The following AGBL1 variants were observed in gnomAD, a reference collection of about 807,000 sequenced individuals.
AGBL1 encodes cytosolic carboxypeptidase 4.
Under a neutral mutation model 118.9 loss-of-function variants are expected in AGBL1, and 130 were observed. The ratio of observed to expected loss-of-function variants is 1.09; its 90% CI spans 0.95 to 1.26. The LOEUF (loss-of-function observed/expected upper bound fraction) is 1.26, where lower values mean the gene tolerates loss of function less well. Among genes scored for constraint, AGBL1 ranks in the 50% most tolerant of loss-of-function variants. The pLI is 0.00. For synonymous variants in AGBL1, 555 were observed against 478.9 expected, an observed-to-expected ratio of 1.16 and a Z score of -2.08; for missense variants, 1,584 against 1,298.1, an observed-to-expected ratio of 1.22 and a Z score of -3.38.
At chr15:86,857,263 A>T (rs1023764123) in intron 22 of AGBL1, among the ~76,000 whole-genome samples, 1 of 152,196 alleles carries the variant, frequency 6.6e-6, no homozygotes, top group African/African-American at 2.4e-5. Flanking sequence ...CAGTGAACTT[A>T]AAAACTGCAA....
intron 21 of AGBL1, among the ~76,000 whole-genome samples, chr15:86,623,130 C>T (rs1332492345): frequency 1.3e-5 from 2 of 152,208 alleles, no homozygotes; most frequent in African/African-American, 4.8e-5. Context: ...CCTCCACTTA[C>T]CTCCTGCCTA....
intron 1 of AGBL1, among the ~76,000 whole-genome samples, chr15:86,133,016 A>C (rs2076839448): frequency 6.6e-6 from 1 of 152,206 alleles, no homozygotes; most frequent in Non-Finnish European, 1.5e-5. Context: ...GCAGTAAGCT[A>C]AACATTCCTA....
intron 21 of AGBL1, among the ~76,000 whole-genome samples, chr15:86,616,339 C>CAAAAAAAAAAAAAAAAAAAAAAAAA (rs199936794): frequency 4.1e-5 from 2 of 49,254 alleles, no homozygotes; most frequent in African/African-American, 7.1e-5. Flanking sequence ...TCCTCCACTT[C>CAAAAAAAAAAAAAAAAAAAAAAAAA]AAAAAAAAAA....
intron 1 of AGBL1, among the ~76,000 whole-genome samples, chr15:86,132,733 C>T (rs1236695565): frequency 6.6e-6 from 1 of 152,180 alleles, no homozygotes; most frequent in African/African-American, 2.4e-5. Flanking sequence ...AGACCACGAA[C>T]GTGCCGGGCA....
intron 22 of AGBL1, among the ~76,000 whole-genome samples, chr15:86,770,060 T>C (rs572175953): frequency 6.6e-6 from 1 of 152,168 alleles, no homozygotes; most frequent in African/African-American, 2.4e-5. Flanking sequence ...ATGAAAATAT[T>C]CTGCCCAGGT....
At chr15:86,815,627 C>G (rs1248144359) in intron 22 of AGBL1, among the ~76,000 whole-genome samples, 2 of 151,954 alleles carry the variant, frequency 1.3e-5, no homozygotes, top group African/African-American at 4.8e-5. Context: ...AGACAAGCAC[C>G]CAGGAGATAA....
chr15:86,169,428 G>A (rs1323704545), intron 5 of AGBL1, among the ~76,000 whole-genome samples: 2 of 152,152 alleles, frequency 1.3e-5, no homozygotes. Context: ...TGACTCATGG[G>A]ACATTGGATA....
chr15:86,218,953 A>G (rs1056059931), intron 5 of AGBL1, among the ~76,000 whole-genome samples: 2 of 152,234 alleles, frequency 1.3e-5, no homozygotes, highest in African/African-American at 4.8e-5. Context: ...TTCCTGCCCC[A>G]TATAAACTGT....
chr15:86,689,964 C>G (rs2086134041), intron 22 of AGBL1, among the ~76,000 whole-genome samples: 1 of 152,106 alleles, frequency 6.6e-6, no homozygotes, highest in Admixed American at 6.6e-5. Flanking sequence ...CCTGCAAAAG[C>G]TCTTATTGCA....
At chr15:86,210,512 G>C (rs113001543) in intron 5 of AGBL1, among the ~76,000 whole-genome samples, 3 of 151,838 alleles carry the variant, frequency 2.0e-5, no homozygotes, top group Non-Finnish European at 4.4e-5. Context: ...TTTGTTCGTC[G>C]CTTTTTACTC....
At position 86,332,443 on chromosome 15, in the gene AGBL1, G is replaced by A. The variant is rs942310585; in HGVS notation, c.2374+37035G>A. ...GGGCGGATCACGAGGTCAGGAGATC[G>A]AGACCATCCTGGCTAACATGGTGAA... On this transcript the variant is annotated intron_variant, in intron 17 of 22. Transcript: ENST00000614907. Among the ~76,000 whole-genome samples the A allele has an allele frequency of 2.6e-5, 4 of 151,914 alleles. No homozygotes were observed. In the South Asian group the frequency reaches 8.3e-4, roughly 32 times the overall value.
At chr15:86,984,810 T>C (rs1438594736) in intron 23 of AGBL1, among the ~76,000 whole-genome samples, 2 of 152,150 alleles carry the variant, frequency 1.3e-5, no homozygotes, top group African/African-American at 4.8e-5. Flanking sequence ...CCATTTACAA[T>C]TCACAGTGCA....
intron 19 of AGBL1, among the ~76,000 whole-genome samples, chr15:86,539,286 A>G (rs1296019530): frequency 1.3e-5 from 2 of 151,796 alleles, no homozygotes; most frequent in Admixed American, 1.3e-4. Context: ...CTGGAAATCA[A>G]GGAGTTATTC....
At chr15:86,099,849 C>G (rs12908584) in intron 1 of AGBL1, among the ~76,000 whole-genome samples, 73,911 of 151,868 alleles carry the variant, frequency 0.49, 21,305 homozygotes, top group Non-Finnish European at 0.65. Context: ...TGCCAGATTG[C>G]CTAGTACTTT....
intron 21 of AGBL1, among the ~76,000 whole-genome samples, chr15:86,650,686 C>T (rs1308540675): frequency 2.0e-5 from 3 of 152,184 alleles, no homozygotes; most frequent in Admixed American, 2.0e-4. Context: ...GGCAAGATGT[C>T]TGTAAAGTAC....
intron 22 of AGBL1, among the ~76,000 whole-genome samples, chr15:86,827,323 A>G: frequency 9.4e-5 from 1 of 10,610 alleles, no homozygotes; most frequent in African/African-American, 1.1e-3. Flanking sequence ...ATATACACAC[A>G]CATATATATA....
chr15:86,500,376 C>T (rs1196619868), intron 18 of AGBL1, among the ~76,000 whole-genome samples: 1 of 151,728 alleles, frequency 6.6e-6, no homozygotes, highest in Non-Finnish European at 1.5e-5. Flanking sequence ...AATAGGTTAT[C>T]CCAAGTTCTA....
intron 24 of AGBL1, among the ~76,000 whole-genome samples, chr15:86,988,847 C>T (rs1351987334): frequency 6.6e-6 from 1 of 151,838 alleles, no homozygotes; most frequent in Non-Finnish European, 1.5e-5. Context: ...TTAATATCAC[C>T]CCAGAATTGA....
At chr15:86,810,798 T>A (rs2078778589) in intron 22 of AGBL1, among the ~76,000 whole-genome samples, 1 of 152,178 alleles carries the variant, frequency 6.6e-6, no homozygotes, top group African/African-American at 2.4e-5. Context: ...TCAACAAGGA[T>A]GACTGCATTT....
Sources: gnomAD v4.1 joint callset for allele counts (sites outside exome capture counted in the v4.1 genomes callset) on GRCh38, gnomAD v4.1.1 for gene constraint, MANE v1.5 for transcripts, NCBI Gene and HGNC (gene_info 2026-07-23, HGNC 2026-07-21) for gene names.